The following SCN9A variants were observed in gnomAD, a reference collection of about 807,000 sequenced individuals.
The protein encoded by SCN9A is sodium channel protein type 9 subunit alpha.
Under a neutral mutation model 187.0 loss-of-function variants are expected in SCN9A, and 131 were observed. The observed-to-expected ratio is 0.70, with a 90% CI of 0.61 to 0.81. The LOEUF is 0.81. Ranked by LOEUF, SCN9A falls within the 30% of genes least tolerant of loss-of-function variation. The pLI, the probability that SCN9A is intolerant of heterozygous loss-of-function variation, is 0.00. For missense variants in SCN9A, 2,252 were observed against 2,396.6 expected, an observed-to-expected ratio of 0.94 and a Z score of 1.26; for synonymous variants, 809 against 808.6, an observed-to-expected ratio of 1.00 and a Z score of -0.01.
chr2:166,331,541 T>A (rs1699503025), intron 1 of SCN9A, among the ~76,000 whole-genome samples: 1 of 152,184 alleles, frequency 6.6e-6, no homozygotes, highest in Non-Finnish European at 1.5e-5. Context: ...GAAGAGTTTG[T>A]TATCTCAACA....
intron 26 of SCN9A, among the ~76,000 whole-genome samples, chr2:166,200,400 A>T (rs1363763536): frequency 6.6e-6 from 1 of 152,104 alleles, no homozygotes; most frequent in Non-Finnish European, 1.5e-5. Context: ...CTTTTTACTA[A>T]GTTCATGGGC....
chr2:166,360,141 A>T (rs1216037857), intron 1 of SCN9A, among the ~76,000 whole-genome samples: 2 of 143,312 alleles, frequency 1.4e-5, no homozygotes, highest in Non-Finnish European at 3.0e-5. Flanking sequence ...GAACTGCTTG[A>T]ACCCGGGAGG....
rs772492538 is a variant in SCN9A, at chr2:166,280,534, C to G, written c.2166G>C (p.Leu722Phe). ...TCCAATATGGAGAGCAATTCCAGATCAAGAATTTGTGTGCAAATCTGTACC... is the reference window on the plus strand; with the variant it reads ...TCCAATATGGAGAGCAATTCCAGATGAAGAATTTGTGTGCAAATCTGTACC... The part of the protein sequence containing the change: ...PWWYRFAHKF[L>F]IWNCSPYWIK... Residue 722 changes from leucine to phenylalanine, a missense_variant, in exon 14 of 27, where the codon TTG becomes TTC. Transcript: ENST00000642356. 3.1e-5 allele frequency: 49 copies of G among 1,592,374 alleles called. No individual in the cohort carries two copies. The Middle Eastern group carries it at 2.2e-3, about 70-fold the overall frequency.
intron 1 of SCN9A, among the ~76,000 whole-genome samples, chr2:166,348,413 T>C (rs985204341): frequency 6.6e-6 from 1 of 152,190 alleles, no homozygotes; most frequent in Non-Finnish European, 1.5e-5. Flanking sequence ...GAACTCAGAA[T>C]AGAGTAACAT....
chr2:166,297,249 A>T (rs1698357201), intron 7 of SCN9A, among the ~76,000 whole-genome samples: 1 of 146,676 alleles, frequency 6.8e-6, no homozygotes, highest in South Asian at 2.2e-4. Context: ...CAGTAATCCC[A>T]CTACTAGGTA....
chr2:166,283,495 A>G (rs1697586452), intron 12 of SCN9A, among the ~76,000 whole-genome samples: 1 of 152,200 alleles, frequency 6.6e-6, no homozygotes, highest in East Asian at 1.9e-4. Flanking sequence ...GCAGCATAGC[A>G]TAGTGAGTGG....
chr2:166,290,518 T>G (rs150810472), intron 9 of SCN9A, among the ~76,000 whole-genome samples: 1 of 152,182 alleles, frequency 6.6e-6, no homozygotes, highest in Non-Finnish European at 1.5e-5. Context: ...GTTGAACTAA[T>G]TTACACTCCC....
intron 24 of SCN9A, among the ~76,000 whole-genome samples, chr2:166,211,772 A>G (rs1694106530): frequency 6.6e-6 from 1 of 152,080 alleles, no homozygotes; most frequent in Admixed American, 6.5e-5. Context: ...ATCCACGTAA[A>G]AATACAGAAA....
chr2:166,341,289 A>G (rs1021369811), intron 1 of SCN9A, among the ~76,000 whole-genome samples: 12 of 152,210 alleles, frequency 7.9e-5, no homozygotes, highest in Admixed American at 6.5e-4. Flanking sequence ...ACATATAGCA[A>G]TGCTCTAAAA....
intron 24 of SCN9A, among the ~76,000 whole-genome samples, chr2:166,219,684 T>C (rs1180310289): frequency 6.6e-6 from 1 of 152,140 alleles, no homozygotes; most frequent in African/African-American, 2.4e-5. Flanking sequence ...TGTTTACCTA[T>C]GTAACAAGAC....
intron 1 of SCN9A, among the ~76,000 whole-genome samples, chr2:166,327,758 A>C (rs1488076192): frequency 6.6e-6 from 1 of 152,174 alleles, no homozygotes; most frequent in African/African-American, 2.4e-5. Context: ...GTCAAATATA[A>C]TATAATCTTA....
At chr2:166,368,659 TC>T (rs1700476768) in intron 1 of SCN9A, among the ~76,000 whole-genome samples, 1 of 128,112 alleles carries the variant, frequency 7.8e-6, no homozygotes. Context: ...AACCTGCACA[TC>T]CTGCAAATGT....
At chr2:166,372,665 A>G (rs943598637) in intron 1 of SCN9A, among the ~76,000 whole-genome samples, 8 of 152,142 alleles carry the variant, frequency 5.3e-5, no homozygotes, top group African/African-American at 1.9e-4. Flanking sequence ...TTTTAATTTT[A>G]CCTCCTCAAT....
In SCN9A at chr2:166,239,221, T is replaced by TAAAA. The variant is rs1558974298; in HGVS notation, c.3628-955_3628-954insTTTT. On this transcript the variant is annotated intron_variant, in intron 19 of 26. Transcript: ENST00000642356. ...CTGGGCAACAGAGCAAGACTCTGTC[T>TAAAA]CAAAAAAAAAAAAAAAAAAAAGGCT... 1.5e-4 allele frequency among the ~76,000 whole-genome samples: 19 copies of TAAAA among 130,082 alleles called. 9 individuals carry two copies. Among genetic ancestry groups the TAAAA allele is most frequent in the Non-Finnish European group, 1.6e-4 (10 of 61,864 alleles). The allele number at this position is 130,082 out of a possible 152,430, so 85.3% of individuals were successfully genotyped here. A position where few individuals can be genotyped will look rare whatever the true frequency, so the allele number is the denominator to read the frequency against.
In SCN9A at chr2:166,303,109, C is replaced by T. The variant is rs1553495084; in HGVS notation, c.882G>A (p.Glu294=). ...ETLESIMNTL[E]SEEDFRKYFY... The stretch of plus-strand genomic sequence containing the variant: ...TCTTACTTCTAAAGTCTTCTTCACT[C>T]TCTAGGGTATTCATTATGCTTTCTA... Residue 294 remains glutamate, a synonymous_variant, in exon 7 of 27, where the codon GAG becomes GAA. Coordinates refer to ENST00000642356, the MANE Select transcript of SCN9A (RefSeq NM_001365536.1). 1.1e-5 allele frequency: 18 copies of T among 1,602,924 alleles called. No individual in the cohort carries two copies. Among genetic ancestry groups the T allele is most frequent in the Non-Finnish European group, 1.5e-5 (18 of 1,172,896 alleles).
chr2:166,315,162 G>T (rs1206417004), intron 1 of SCN9A, among the ~76,000 whole-genome samples: 1 of 152,182 alleles, frequency 6.6e-6, no homozygotes, highest in Non-Finnish European at 1.5e-5. Flanking sequence ...GAGAAGACGG[G>T]ATAACTTGCC....
chr2:166,369,852 G>A (rs1002760836), intron 1 of SCN9A, among the ~76,000 whole-genome samples: 1 of 151,890 alleles, frequency 6.6e-6, no homozygotes, highest in Non-Finnish European at 1.5e-5. Flanking sequence ...TAATTTTTTT[G>A]TAGAAACAGA....
rs1209705577 is a variant in SCN9A at position 166,242,671 on chromosome 2, A to T, written c.3473-15T>A. On this transcript the variant is annotated splice_polypyrimidine_tract_variant and intron_variant, in intron 18 of 26. Transcript: ENST00000642356. ...CCATACACAACCTGACAAGAAAGAC[A>T]TGCATGTTAAATCTTGATATTCAGA... The T allele has an allele frequency of 6.5e-7, 1 of 1,534,650 alleles. No individual in the cohort carries two copies. Among genetic ancestry groups the T allele is most frequent in the East Asian group, 2.5e-5 (1 of 40,770 alleles).
chr2:166,364,871 G>C (rs1158370580), intron 1 of SCN9A, among the ~76,000 whole-genome samples: 3 of 152,074 alleles, frequency 2.0e-5, no homozygotes, highest in African/African-American at 7.2e-5. Flanking sequence ...AAATTCACTA[G>C]CGTGTTTTGA....
Sources: allele counts gnomAD v4.1 joint callset (sites outside exome capture counted in the v4.1 genomes callset), GRCh38; gene constraint gnomAD v4.1.1; transcripts MANE v1.5; gene names NCBI Gene and HGNC (gene_info 2026-07-23, HGNC 2026-07-21).